Variants in HECW2 observed in about 807,000 individuals in gnomAD.
The protein encoded by HECW2 is HECT, C2 and WW domain containing E3 ubiquitin protein ligase 2, also known as E3 ubiquitin-protein ligase HECW2.
Under a neutral mutation model 175.2 loss-of-function variants are expected in HECW2, and 61 were observed. The observed-to-expected ratio is 0.35, with a 90% CI of 0.28 to 0.43. The LOEUF is 0.43. Ranked by LOEUF, HECW2 falls within the 20% of genes least tolerant of loss-of-function variation. The pLI is 1.00. For missense variants in HECW2, 1,524 were observed against 2,000.5 expected (o/e 0.76, Z 4.54); for synonymous variants, 671 against 731.0 (o/e 0.92, Z 1.32).
intron 13 of HECW2, among the ~76,000 whole-genome samples, chr2:196,294,349 C>T (rs1387426798): frequency 6.6e-6 from 1 of 152,134 alleles, no homozygotes; most frequent in Admixed American, 6.5e-5. Context: ...GAATGATCAT[C>T]CTGGAACTCT....
chr2:196,436,281 G>C (rs973805126), intron 1 of HECW2, among the ~76,000 whole-genome samples: 1 of 151,654 alleles, frequency 6.6e-6, no homozygotes, highest in Non-Finnish European at 1.5e-5. Context: ...GGTGCCTGTA[G>C]TCCCAGCTAC....
chr2:196,228,298 C>G (rs771707764), intron 21 of HECW2, 44 bp from the exon 22 acceptor site: 1 of 1,560,342 alleles, frequency 6.4e-7, no homozygotes, highest in Non-Finnish European at 8.6e-7. Flanking sequence ...TACTTTTTTT[C>G]TAGATATTGG....
intron 1 of HECW2, among the ~76,000 whole-genome samples, chr2:196,518,932 G>C (rs908574857): frequency 6.6e-6 from 1 of 152,128 alleles, no homozygotes; most frequent in Non-Finnish European, 1.5e-5. Context: ...GCAGAATCTT[G>C]AGAACCTGAA....
At chr2:196,411,144 A>C (rs959331077) in intron 2 of HECW2, among the ~76,000 whole-genome samples, 5 of 152,150 alleles carry the variant, frequency 3.3e-5, no homozygotes, top group African/African-American at 1.2e-4. Flanking sequence ...GACTACAGGT[A>C]CACACTACCA....
At position 196,433,431 on chromosome 2, in the gene HECW2, G is replaced by T; in HGVS notation, c.-8C>A. The T allele has an allele frequency of 6.2e-7, 1 of 1,609,380 alleles. No individual in the cohort carries two copies. The highest frequency in any genetic ancestry group is 8.5e-7 in the Non-Finnish European group (1 of 1,177,312). ...CCGGGCTGAACTAGCCATCCCGTCT[G>T]CTTCTCTGGGATTGGCTGCCTACAA... On this transcript the variant is annotated 5_prime_UTR_variant, in exon 2 of 29. Transcript: ENST00000644978.
intron 3 of HECW2, 42 bp from the exon 4 acceptor site, chr2:196,334,560 C>A: frequency 6.8e-7 from 1 of 1,472,162 alleles, no homozygotes; most frequent in Non-Finnish European, 9.3e-7. Context: ...AACAGTGAAA[C>A]AAGTCATGGA....
At chr2:196,439,344 A>G (rs747764339) in intron 1 of HECW2, among the ~76,000 whole-genome samples, 34 of 152,204 alleles carry the variant, frequency 2.2e-4, no homozygotes, top group Non-Finnish European at 3.8e-4. Flanking sequence ...CCAACTTTAC[A>G]TATTAAAAAC....
At chr2:196,544,325 C>T (rs530155554) in intron 1 of HECW2, among the ~76,000 whole-genome samples, 29 of 152,176 alleles carry the variant, frequency 1.9e-4, no homozygotes, top group Non-Finnish European at 3.4e-4. Flanking sequence ...CCCTGAAAGG[C>T]AGGCTAGAGT....
intron 1 of HECW2, among the ~76,000 whole-genome samples, chr2:196,558,007 T>C (rs1171376912): frequency 2.0e-5 from 3 of 152,190 alleles, no homozygotes; most frequent in African/African-American, 4.8e-5. Flanking sequence ...TTCACATATA[T>C]TATTAATACT....
chr2:196,504,776 A>G (rs988572074), intron 1 of HECW2, among the ~76,000 whole-genome samples: 11 of 152,174 alleles, frequency 7.2e-5, no homozygotes, highest in African/African-American at 2.7e-4. Flanking sequence ...TTAGGGGAGG[A>G]GTTTTTGAAC....
chr2:196,410,751 T>C (rs1043924885), intron 2 of HECW2, among the ~76,000 whole-genome samples: 1 of 152,128 alleles, frequency 6.6e-6, no homozygotes, highest in African/African-American at 2.4e-5. Flanking sequence ...TGAACTTCAG[T>C]TCTCCTTTTA....
intron 1 of HECW2, among the ~76,000 whole-genome samples, chr2:196,549,319 C>T (rs932611633): frequency 2.0e-5 from 3 of 152,204 alleles, no homozygotes; most frequent in African/African-American, 7.2e-5. Context: ...TCCAGGAGGT[C>T]TCACTATCGT....
In HECW2 at chr2:196,478,946, C is replaced by T. The variant is rs532373216; in HGVS notation, c.-35-45488G>A. Among the ~76,000 whole-genome samples, 4 of 152,300 alleles carry T rather than the reference C, an allele frequency of 2.6e-5. No homozygotes were observed. In the South Asian group the frequency reaches 8.3e-4, roughly 32 times the overall value. Reference sequence around the variant, plus strand: ...GAGAAAGAAGAGGCCAAGCGGCACTCATTAGGACCCCACTTTGTGAAGAGC... The same window carrying T: ...GAGAAAGAAGAGGCCAAGCGGCACTTATTAGGACCCCACTTTGTGAAGAGC... On this transcript the variant is annotated intron_variant, in intron 1 of 28. Coordinates refer to ENST00000644978, the MANE Select transcript of HECW2 (RefSeq NM_001348768.2).
intron 1 of HECW2, among the ~76,000 whole-genome samples, chr2:196,564,615 C>CT (rs1690116161): frequency 6.6e-6 from 1 of 151,968 alleles, no homozygotes; most frequent in Non-Finnish European, 1.5e-5. Context: ...TTTATTTCAA[C>CT]TTTTTTTGCA....
chr2:196,282,387 A>T (rs1690221091), intron 14 of HECW2, among the ~76,000 whole-genome samples: 1 of 152,244 alleles, frequency 6.6e-6, no homozygotes, highest in South Asian at 2.1e-4. Context: ...ATTCTGAGCC[A>T]AGCATGAGTG....
At chr2:196,533,178 T>TG (rs372656306) in intron 1 of HECW2, among the ~76,000 whole-genome samples, 190 of 152,316 alleles carry the variant, frequency 1.2e-3, no homozygotes, top group African/African-American at 4.1e-3. Context: ...AACCAGGAAT[T>TG]GGACAGCTGA....
intron 1 of HECW2, among the ~76,000 whole-genome samples, chr2:196,460,458 G>A (rs942030148): frequency 6.7e-6 from 1 of 149,076 alleles, no homozygotes; most frequent in African/African-American, 2.5e-5. Flanking sequence ...CAAATTGAAT[G>A]AGGATACAAA....
chr2:196,463,910 A>C lies in HECW2; in HGVS notation c.-35-30452T>G, dbSNP rs575275757. On this transcript the variant is annotated intron_variant, in intron 1 of 28. Coordinates refer to ENST00000644978, the MANE Select transcript of HECW2 (RefSeq NM_001348768.2). The stretch of plus-strand genomic sequence containing the variant: ...CAAATCAAACTATGCTGAAAGCTTC[A>C]TACAAAGGAACTGAAAGTAAGTACT... 6.3e-4 allele frequency among the ~76,000 whole-genome samples: 96 copies of C among 152,304 alleles called. 2 individuals are homozygous for C. The South Asian group carries it at 0.018, about 29-fold the overall frequency.
intron 3 of HECW2, among the ~76,000 whole-genome samples, chr2:196,340,120 G>T (rs1397340211): frequency 1.3e-5 from 2 of 152,038 alleles, no homozygotes; most frequent in African/African-American, 2.4e-5. Context: ...TTTCCTTTCT[G>T]CAGATAAAAA....
Sources: allele counts gnomAD v4.1 joint callset (sites outside exome capture counted in the v4.1 genomes callset), GRCh38; gene constraint gnomAD v4.1.1; transcripts MANE v1.5; gene names NCBI Gene and HGNC (gene_info 2026-07-23, HGNC 2026-07-21).